The following SYNE3 variants were observed in gnomAD, a reference collection of about 807,000 sequenced individuals.
SYNE3 encodes the protein spectrin repeat containing nuclear envelope family member 3, also known as nesprin-3.
SYNE3 carries 100 observed loss-of-function variants against 111.2 expected under a neutral mutation model. The observed-to-expected ratio is 0.90, with a 90% confidence interval of 0.77 to 1.06. The LOEUF is 1.06. Among genes scored for constraint, SYNE3 ranks in the 50% least tolerant of loss-of-function variants. The pLI is 0.00. For missense variants in SYNE3, 1,160 were observed against 1,240.3 expected (o/e 0.94, Z 0.97); for synonymous variants, 547 against 533.9 (o/e 1.02, Z -0.34).
At position 95,500,204 on chromosome 14, in the gene SYNE3, C is replaced by T. The variant is rs1438617908; in HGVS notation, c.-15+16392G>A. Among the ~76,000 whole-genome samples, 2 of 152,172 alleles carry T rather than the reference C, an allele frequency of 1.3e-5. No homozygotes were observed. Among genetic ancestry groups the T allele is most frequent in the South Asian group, 2.1e-4 (1 of 4,832 alleles). ...GAGATATCCAGAGGACCCTTGAGAC[C>T]TTCTCCCCAGAACCTTCACCTCCTT... On this transcript the variant is annotated intron_variant, in intron 1 of 17. Transcript: ENST00000682763. This position sits in a 1 kb window ranked among gnomAD's most constrained non-coding sequence, Gnocchi z 4.7.
Position 95,500,152 on chromosome 14 carries a change from G to A in SYNE3, c.-15+16444C>T, listed in dbSNP as rs574192843. On this transcript the variant is annotated intron_variant, in intron 1 of 17. Coordinates refer to ENST00000682763, the MANE Select transcript of SYNE3 (RefSeq NM_152592.6). The surrounding 1 kb of genome is among the most constrained non-coding windows in gnomAD (Gnocchi z 4.7). Reference sequence around the variant, plus strand: ...TGGGATTAAAGGCGTGAGCCACTGCGCCCGGCCTACCTCCTGTCTTATATC... The same window carrying A: ...TGGGATTAAAGGCGTGAGCCACTGCACCCGGCCTACCTCCTGTCTTATATC... Among the ~76,000 whole-genome samples the A allele has an allele frequency of 1.4e-4, 22 of 152,182 alleles. No individual in the cohort carries two copies. Among genetic ancestry groups the A allele is most frequent in the South Asian group, 2.1e-4 (1 of 4,822 alleles).
At chr14:95,479,864 A>G (rs925907689) in intron 1 of SYNE3, among the ~76,000 whole-genome samples, 1 of 152,136 alleles carries the variant, frequency 6.6e-6, no homozygotes, top group East Asian at 1.9e-4. Context: ...AGACAGCTCC[A>G]GGCCAGGGTG....
At chr14:95,483,361 G>C (rs1432900832) in intron 1 of SYNE3, among the ~76,000 whole-genome samples, 1 of 152,182 alleles carries the variant, frequency 6.6e-6, no homozygotes, top group Non-Finnish European at 1.5e-5. Flanking sequence ...GTGCTCGCTT[G>C]CCGTGACTCA....
rs1566949935 is a variant in SYNE3, at chr14:95,413,473, T to TA, written c.*4352_*4353insT. 6.6e-6 allele frequency: 1 copy of TA among 152,174 alleles called. No individual in the cohort carries two copies. Among genetic ancestry groups the TA allele is most frequent in the South Asian group, 2.1e-4 (1 of 4,816 alleles). 9.4% of individuals were successfully genotyped at this position (152,174 alleles called of 1,614,324 possible). A position where few individuals can be genotyped will look rare whatever the true frequency, so the allele number is the denominator to read the frequency against. ...TAATGGAAGAGATAAGATCCCCTCTTTACTCCCTAACTGTGGGCAGCCCCA... is the reference window on the plus strand; with the variant it reads ...TAATGGAAGAGATAAGATCCCCTCTTATACTCCCTAACTGTGGGCAGCCCCA... On this transcript the variant is annotated 3_prime_UTR_variant, in exon 18 of 18. Coordinates refer to ENST00000682763, the MANE Select transcript of SYNE3 (RefSeq NM_152592.6).
chr14:95,450,242 G>T, intron 7 of SYNE3, 137 bp from the exon 8 acceptor site: 1 of 998,904 alleles, frequency 1.0e-6, no homozygotes, highest in Non-Finnish European at 1.4e-6. Flanking sequence ...TCAGTTGCTG[G>T]GAATGTCTGC....
rs575096125 is a variant in SYNE3 at position 95,460,909 on chromosome 14, G to T, written c.628-3571C>A. ...AAGTGCCGGCCGTGGCTGCTAGTGT[G>T]TGAAGGATGAGGTGCTGGCACCCGG... On this transcript the variant is annotated intron_variant, in intron 4 of 17. Coordinates refer to ENST00000682763, the MANE Select transcript of SYNE3 (RefSeq NM_152592.6). Among the ~76,000 whole-genome samples, 6 of 152,334 alleles carry T rather than the reference G, an allele frequency of 3.9e-5. No homozygotes were observed. The East Asian group carries it at 1.2e-3, about 29-fold the overall frequency.
intron 8 of SYNE3, chr14:95,449,437 T>A (rs898086025): frequency 1.0e-6 from 1 of 985,290 alleles, no homozygotes; most frequent in Non-Finnish European, 1.2e-6. Context: ...TTGTTGTTCA[T>A]GGGAGATGCA....
intron 1 of SYNE3, among the ~76,000 whole-genome samples, chr14:95,491,989 A>G (rs990366964): frequency 6.6e-6 from 1 of 152,242 alleles, no homozygotes; most frequent in Non-Finnish European, 1.5e-5. Flanking sequence ...AAGATGGCCA[A>G]TGAGCACACT....
chr14:95,503,252 C>A (rs1484310819), intron 1 of SYNE3, among the ~76,000 whole-genome samples: 1 of 152,234 alleles, frequency 6.6e-6, no homozygotes, highest in East Asian at 1.9e-4. Flanking sequence ...GCCTCACCTA[C>A]CATGCAGGGT....
At chr14:95,513,785 T>G (rs966949422) in intron 1 of SYNE3, among the ~76,000 whole-genome samples, 31 of 125,404 alleles carry the variant, frequency 2.5e-4, no homozygotes, top group Admixed American at 1.6e-4. Flanking sequence ...AGAATCCATA[T>G]TCTTTTCCAG....
chr14:95,441,874 G>GGTGATACTAGGTGGA (rs1232846285), intron 11 of SYNE3, among the ~76,000 whole-genome samples: 1 of 152,248 alleles, frequency 6.6e-6, no homozygotes, highest in Non-Finnish European at 1.5e-5. Flanking sequence ...AGGTGGTGAG[G>GGTGATACTAGGTGGA]GTGATACTAG....
chr14:95,501,916 A>G (rs187950513), intron 1 of SYNE3, among the ~76,000 whole-genome samples: 2 of 151,960 alleles, frequency 1.3e-5, no homozygotes, highest in Non-Finnish European at 2.9e-5. Context: ...GTCTTCACAG[A>G]CTCTTGCGGG....
At chr14:95,491,987 C>G (rs1375350454) in intron 1 of SYNE3, among the ~76,000 whole-genome samples, 1 of 152,098 alleles carries the variant, frequency 6.6e-6, no homozygotes, top group Non-Finnish European at 1.5e-5. Flanking sequence ...CTAAGATGGC[C>G]AATGAGCACA....
intron 17 of SYNE3, among the ~76,000 whole-genome samples, chr14:95,422,218 T>A (rs946882471): frequency 6.6e-6 from 1 of 151,846 alleles, no homozygotes; most frequent in Non-Finnish European, 1.5e-5. Flanking sequence ...CTGTTCTCAC[T>A]GTGCCCATGG....
chr14:95,434,183 T>C, intron 15 of SYNE3, among the ~76,000 whole-genome samples: 1 of 151,092 alleles, frequency 6.6e-6, no homozygotes, highest in East Asian at 1.9e-4. Context: ...AACCTCCCAC[T>C]AAGGACAAAA....
At chr14:95,481,752 C>G (rs1032030305) in intron 1 of SYNE3, among the ~76,000 whole-genome samples, 1 of 152,230 alleles carries the variant, frequency 6.6e-6, no homozygotes, top group Non-Finnish European at 1.5e-5. Flanking sequence ...TGTGGTCCAT[C>G]GGGTAACTGT....
intron 11 of SYNE3, among the ~76,000 whole-genome samples, chr14:95,442,537 G>A (rs1158995417): frequency 6.6e-6 from 1 of 152,122 alleles, no homozygotes; most frequent in African/African-American, 2.4e-5. Context: ...TTGTTACAAC[G>A]GCAGACCCAG....
rs1886601651 is a variant in SYNE3, at chr14:95,444,618, G to A, written c.1643C>T (p.Ala548Val). The change falls in exon 10 of 18, where the codon GCT becomes GTT. Residue 548 changes from alanine to valine, a missense_variant. Ala to Val is a moderately conservative substitution (Grantham distance 64, BLOSUM62 0). Transcript: ENST00000682763. ...AGCTGCTCCAAAGTCTTTGTGCTGA[G>A]CGAGCAGGCTCTGCAGAGACACAGG... ...QRKSKLQSLL[A>V]QHKDFGAAFE... 2 of 1,596,582 alleles carry A rather than the reference G, an allele frequency of 1.3e-6. No homozygotes were observed. The highest frequency in any genetic ancestry group is 1.1e-5 in the South Asian group (1 of 89,652).
intron 17 of SYNE3, 91 bp from the exon 18 acceptor site, chr14:95,418,117 G>GGTA: frequency 1.5e-6 from 2 of 1,346,112 alleles, no homozygotes; most frequent in Non-Finnish European, 2.1e-6. Flanking sequence ...CAGGAGCGGT[G>GGTA]GTAGCACTGA....
Sources: allele counts gnomAD v4.1 joint callset (sites outside exome capture counted in the v4.1 genomes callset), GRCh38; gene constraint gnomAD v4.1.1; non-coding constraint Gnocchi (gnomAD v3.1); transcripts MANE v1.5; gene names NCBI Gene and HGNC (gene_info 2026-07-23, HGNC 2026-07-21).